MMP25: variants seen among roughly 807,000 people sequenced by gnomAD.
MMP25 encodes matrix metalloproteinase-25.
Under a neutral mutation model 62.1 loss-of-function variants are expected in MMP25, and 68 were observed. That is an observed-to-expected ratio of 1.10 (90% CI 0.90 to 1.34). The LOEUF is 1.34. Ranked by LOEUF, MMP25 falls within the 40% of genes most tolerant of loss-of-function variation. The probability of loss-of-function intolerance (pLI) is 0.00; values close to 1 mark genes in which losing one functional copy is unlikely to be tolerated. For synonymous variants in MMP25, 407 were observed against 345.6 expected (o/e 1.18, Z -1.97); for missense variants, 942 against 792.5 (o/e 1.19, Z -2.26).
chr16:3,056,529 T>G (rs1455615964), intron 4 of MMP25, among the ~76,000 whole-genome samples: 3 of 152,066 alleles, frequency 2.0e-5, no homozygotes, highest in Admixed American at 2.0e-4. Context: ...TGCCTCAGCC[T>G]GGGACCTGAG....
chr16:3,056,859 T>C, intron 4 of MMP25, 174 bp from the exon 5 acceptor site: 1 of 595,270 alleles, frequency 1.7e-6, no homozygotes, highest in South Asian at 2.2e-5. Context: ...GCTGACTGAG[T>C]GACTGGAGAC....
Position 3,046,862 on chromosome 16 carries a change from G to C in MMP25, c.-56G>C, listed in dbSNP as rs2250306. 1 of 1,002,924 alleles carries C rather than the reference G, an allele frequency of 1.0e-6. No homozygotes were observed. Among genetic ancestry groups the C allele is most frequent in the Non-Finnish European group, 1.3e-6 (1 of 744,126 alleles). The allele number at this position is 1,002,924 out of a possible 1,614,324, so 62.1% of individuals were successfully genotyped here. ...GGATCTCCTCCCCCAGGTCCCCGGG[G>C]CGGCCCCAGCCAGGCCCCCTTCGAA... On this transcript the variant is annotated 5_prime_UTR_variant, in exon 1 of 10. Coordinates refer to ENST00000336577, the MANE Select transcript of MMP25 (RefSeq NM_022468.5).
At position 3,058,502 on chromosome 16, in the gene MMP25, A is replaced by G. The variant is rs1308881425; in HGVS notation, c.1250A>G (p.Asp417Gly). The change falls in exon 9 of 10, where the codon GAC (aspartate) becomes GGC (glycine). Residue 417 changes from aspartate to glycine, a missense_variant. Coordinates refer to ENST00000336577, the MANE Select transcript of MMP25 (RefSeq NM_022468.5). ...GGGCTGCCCCCGGGAGAGGAGGTGG[A>G]CGCCGTGTTCTCGTGGCCACAGAAC... is the stretch of plus-strand genomic sequence containing the variant. The part of the protein sequence containing the change: ...ELGLPPGEEV[D>G]AVFSWPQNGK... The G allele has an allele frequency of 1.9e-6, 3 of 1,609,712 alleles. No individual in the cohort carries two copies. The highest frequency in any genetic ancestry group is 2.5e-6 in the Non-Finnish European group (3 of 1,178,876).
chr16:3,056,977 G>A, intron 4 of MMP25, 56 bp from the exon 5 acceptor site: 1 of 1,512,954 alleles, frequency 6.6e-7, no homozygotes, highest in Non-Finnish European at 8.8e-7. Context: ...GGGCCTTCCT[G>A]TGGCCCCTTT....
rs1171341871 is a variant in MMP25 at position 3,060,215 on chromosome 16, C to T, written c.*1117C>T. ...ACTATTCTTCTAGACTATCCCACAT[C>T]AGAATCACTGGGAAATTTAAGTTTG... On this transcript the variant is annotated 3_prime_UTR_variant, in exon 10 of 10. Coordinates refer to ENST00000336577, the MANE Select transcript of MMP25 (RefSeq NM_022468.5). The T allele has an allele frequency of 2.0e-5, 3 of 152,286 alleles. No homozygotes were observed. The highest frequency in any genetic ancestry group is 7.2e-5 in the African/African-American group (3 of 41,534). 9.4% of individuals were successfully genotyped at this position (152,286 alleles called of 1,614,324 possible).
At chr16:3,057,743 G>A (rs2151164100) in intron 7 of MMP25, 130 bp downstream of exon 7, 1 of 845,946 alleles carries the variant, frequency 1.2e-6, no homozygotes. Flanking sequence ...TTGTTGCCTG[G>A]GCCGCAGTGC....
intron 4 of MMP25, chr16:3,055,182 G>C (rs1955984989): frequency 6.5e-6 from 1 of 154,022 alleles, no homozygotes; most frequent in Non-Finnish European, 1.4e-5. Context: ...GAGGTGCCGG[G>C]GCCCCTGTGG....
Position 3,058,569 on chromosome 16 carries a change from CGA to C in MMP25, c.1318_1319del (p.Asp440ArgfsTer25), listed in dbSNP as rs1956057862. 7 of 1,610,228 alleles carry C rather than the reference CGA, an allele frequency of 4.3e-6. 1 individual carries two copies. The South Asian group carries it at 7.7e-5, about 18-fold the overall frequency. ...LVRGRQYWRYDEAAARPDPGY... is the reference protein window; with the variant it reads ...LVRGRQYWRYXEAAARPDPGY... Reference sequence around the variant, plus strand: ...TCCGCGGCCGGCAGTACTGGCGCTACGACGAGGCGGCGGCGCGCCCGGACCCC... The same window carrying C: ...TCCGCGGCCGGCAGTACTGGCGCTACCGAGGCGGCGGCGCGCCCGGACCCC... On this transcript the variant is annotated frameshift_variant, in exon 9 of 10. Coordinates refer to ENST00000336577, the MANE Select transcript of MMP25 (RefSeq NM_022468.5). LOFTEE classifies it high-confidence loss of function.
At position 3,058,296 on chromosome 16, in the gene MMP25, T is replaced by C. The variant is rs1269670761; in HGVS notation, c.1122T>C (p.Tyr374=). The change falls in exon 8 of 10, where the codon TAT becomes TAC. Residue 374 remains tyrosine, a synonymous_variant. Coordinates refer to ENST00000336577, the MANE Select transcript of MMP25 (RefSeq NM_022468.5). ...AGGTGAGGGTGGTGCAGGCCGCCTA[T>C]GCTCGGCACCGAGACGGCCGAATCC... ...PAQVRVVQAA[Y]ARHRDGRILL... 6.2e-7 allele frequency: 1 copy of C among 1,606,108 alleles called. No individual in the cohort carries two copies.
Position 3,057,327 on chromosome 16 carries a change from C to A in MMP25, c.856C>A (p.Pro286Thr). 6.2e-7 allele frequency: 1 copy of A among 1,614,120 alleles called. No homozygotes were observed. Among genetic ancestry groups the A allele is most frequent in the East Asian group, 2.2e-5 (1 of 44,878 alleles). ...CCTCACAGGGAAGGCGCCCCAAACCCCATATGACAAGCCCACAAGGAAACC... is the reference window on the plus strand; with the variant it reads ...CCTCACAGGGAAGGCGCCCCAAACCACATATGACAAGCCCACAAGGAAACC... ...QQLYGKAPQT[P>T]YDKPTRKPLA... The change falls in exon 6 of 10, where the codon CCA becomes ACA. Residue 286 changes from proline to threonine, a missense_variant. Transcript: ENST00000336577.
At position 3,057,095 on chromosome 16, in the gene MMP25, G is replaced by A. The variant is rs150670162; in HGVS notation, c.724G>A (p.Gly242Ser). The change falls in exon 5 of 10, where the codon GGC (glycine) becomes AGC (serine). Residue 242 changes from glycine (G) to serine (S), a missense_variant. By Grantham distance (56) the Gly-to-Ser change is moderately conservative. Transcript: ENST00000336577. The part of the protein sequence containing the change: ...VHEFGHALGL[G>S]HSSAPNSIMR... The stretch of plus-strand genomic sequence containing the variant: ...TGAGTTTGGCCACGCCCTGGGCCTG[G>A]GCCACTCCTCAGCCCCCAACTCCAT... 8.5e-4 allele frequency: 1,372 copies of A among 1,612,602 alleles called. 3 individuals carry two copies. The highest frequency in any genetic ancestry group is 3.4e-3 in the Admixed American group (205 of 59,792).
rs372229505 is a variant in MMP25 at position 3,049,411 on chromosome 16, T to C, written c.233-598T>C. On this transcript the variant is annotated intron_variant, in intron 2 of 9. Coordinates refer to ENST00000336577, the MANE Select transcript of MMP25 (RefSeq NM_022468.5). ...AGCCTAGAACAGTGTCTGGCATCTA[T>C]ATGTCCTTCATCACTATTTGCCGCC... 1.5e-4 allele frequency among the ~76,000 whole-genome samples: 23 copies of C among 152,266 alleles called. No homozygotes were observed. In the South Asian group the frequency reaches 4.8e-3, roughly 32 times the overall value.
chr16:3,058,439 G>C lies in MMP25; in HGVS notation c.1187G>C (p.Arg396Pro), dbSNP rs779523692. 4.4e-6 allele frequency: 7 copies of C among 1,583,216 alleles called. No individual in the cohort carries two copies. The highest frequency in any genetic ancestry group is 6.0e-6 in the Non-Finnish European group (7 of 1,165,008). Reference sequence around the variant, plus strand: ...CCCCAGTTCTGGGTGTTCCAGGACCGGCAGCTGGAGGGCGGGGCGCGGCCG... The same window carrying C: ...CCCCAGTTCTGGGTGTTCCAGGACCCGCAGCTGGAGGGCGGGGCGCGGCCG... ...SGPQFWVFQDRQLEGGARPLT... is the reference protein window; with the variant it reads ...SGPQFWVFQDPQLEGGARPLT... Residue 396 changes from arginine to proline, a missense_variant, in exon 9 of 10, where the codon CGG becomes CCG. Coordinates refer to ENST00000336577, the MANE Select transcript of MMP25 (RefSeq NM_022468.5).
Position 3,059,217 on chromosome 16 carries a change from C to T in MMP25, c.*119C>T, listed in dbSNP as rs1956074432. On this transcript the variant is annotated 3_prime_UTR_variant, in exon 10 of 10. Coordinates refer to ENST00000336577, the MANE Select transcript of MMP25 (RefSeq NM_022468.5). ...TTGTCTGTTCCCACGGACGGGGGCT[C>T]GGGCGCGGACTAAGCAGGGGGGATC... is the stretch of plus-strand genomic sequence containing the variant. 4.9e-6 allele frequency: 6 copies of T among 1,233,884 alleles called. No individual in the cohort carries two copies. The highest frequency in any genetic ancestry group is 6.1e-5 in the Admixed American group (2 of 32,924). 76.4% of individuals were successfully genotyped at this position (1,233,884 alleles called of 1,614,324 possible).
rs1301325653 is a variant in MMP25 at position 3,057,326 on chromosome 16, C to T, written c.855C>T (p.Thr285=). 1.2e-6 allele frequency: 2 copies of T among 1,614,096 alleles called. No individual in the cohort carries two copies. Among genetic ancestry groups the T allele is most frequent in the Admixed American group, 3.3e-5 (2 of 60,028 alleles). The change falls in exon 6 of 10, where the codon ACC becomes ACT. Residue 285 remains threonine, a synonymous_variant. Coordinates refer to ENST00000336577, the MANE Select transcript of MMP25 (RefSeq NM_022468.5). ...LQQLYGKAPQ[T]PYDKPTRKPL... is the part of the protein sequence containing the mutation. ...TCCTCACAGGGAAGGCGCCCCAAAC[C>T]CCATATGACAAGCCCACAAGGAAAC... is the stretch of plus-strand genomic sequence containing the variant.
intron 2 of MMP25, among the ~76,000 whole-genome samples, chr16:3,048,832 G>C (rs1175653813): frequency 6.8e-6 from 1 of 147,844 alleles, no homozygotes; most frequent in African/African-American, 2.5e-5. Flanking sequence ...TTTAGACAGA[G>C]TCTCACTCTG....
At chr16:3,058,734 G>C in intron 9 of MMP25, 65 bp downstream of exon 9, 1 of 1,531,014 alleles carries the variant, frequency 6.5e-7, no homozygotes, top group East Asian at 2.3e-5. Context: ...TGGGGAATGG[G>C]GACATGGAGG....
intron 2 of MMP25, among the ~76,000 whole-genome samples, chr16:3,047,751 T>C (rs941100397): frequency 2.6e-5 from 4 of 152,130 alleles, no homozygotes; most frequent in African/African-American, 9.7e-5. Flanking sequence ...TCCCAGGGTT[T>C]TGGGAGGCGG....
chr16:3,059,407 CA>C lies in MMP25; in HGVS notation c.*310del. 1 of 284,054 alleles carries C rather than the reference CA, an allele frequency of 3.5e-6. No individual in the cohort carries two copies. Among genetic ancestry groups the C allele is most frequent in the Non-Finnish European group, 6.5e-6 (1 of 152,890 alleles). 17.6% of individuals were successfully genotyped at this position (284,054 alleles called of 1,614,324 possible). ...CCCGTCGTTCCCTCCCGGCTGCCGC[CA>C]GGGGGCGGTCGGACCCCGCCTCCCG... On this transcript the variant is annotated 3_prime_UTR_variant, in exon 10 of 10. Coordinates refer to ENST00000336577, the MANE Select transcript of MMP25 (RefSeq NM_022468.5).
Sources: gnomAD v4.1 joint callset for allele counts (sites outside exome capture counted in the v4.1 genomes callset) on GRCh38, gnomAD v4.1.1 for gene constraint, MANE v1.5 for transcripts, NCBI Gene and HGNC (gene_info 2026-07-23, HGNC 2026-07-21) for gene names.